ZNF318: variants seen among roughly 807,000 people sequenced by gnomAD.
ZNF318 encodes endocrine regulator.
Under a neutral mutation model 124.2 loss-of-function variants are expected in ZNF318, and 51 were observed. That is an observed-to-expected ratio of 0.41 (90% CI 0.33 to 0.52). The LOEUF (loss-of-function observed/expected upper bound fraction) is 0.52. ZNF318 is among the 20% of genes least tolerant of loss of function. The pLI is 0.23. For missense variants in ZNF318, 2,815 were observed against 2,811.2 expected (o/e 1.00, Z -0.03); for synonymous variants, 1,090 against 1,040.7 (o/e 1.05, Z -0.91).
At position 43,369,471 on chromosome 6, in the gene ZNF318, C is replaced by A. The variant is rs1030325685; in HGVS notation, c.-106G>T. On this transcript the variant is annotated 5_prime_UTR_variant, in exon 1 of 10. Coordinates refer to ENST00000361428, the MANE Select transcript of ZNF318 (RefSeq NM_014345.3). Reference sequence around the variant, plus strand: ...GCAGCCGCCGCCACCTCGGCCGCTGCGCGCCGCCTCAGCCGCGGGAGCAGC... The same window carrying A: ...GCAGCCGCCGCCACCTCGGCCGCTGAGCGCCGCCTCAGCCGCGGGAGCAGC... The A allele has an allele frequency of 1.1e-6, 1 of 951,684 alleles. No homozygotes were observed. The highest frequency in any genetic ancestry group is 5.4e-5 in the East Asian group (1 of 18,520). 59.0% of individuals were successfully genotyped at this position (951,684 alleles called of 1,614,324 possible). A position where few individuals can be genotyped will look rare whatever the true frequency, so the allele number is the denominator to read the frequency against.
At position 43,338,548 on chromosome 6, in the gene ZNF318, T is replaced by G. The variant is rs1427960951; in HGVS notation, c.5450A>C (p.Tyr1817Ser). The change falls in exon 10 of 10, where the codon TAC becomes TCC. Residue 1817 changes from tyrosine (Y) to serine (S), a missense_variant. Physicochemically the swap from Tyr to Ser is moderately radical, Grantham distance 144. Around this residue, in one of 4 missense-constraint regions of ZNF318, gnomAD observed 927 missense variants for 820.6 expected, o/e 1.13. Transcript: ENST00000361428. ...DDSNLNHGNRYMWEGEVKQPN... is the reference protein window; with the variant it reads ...DDSNLNHGNRSMWEGEVKQPN... ...CTGTTTTACTTCTCCCTCCCACATG[T>G]ATCTGTTTCCATGGTTCAAATTAGA... The G allele has an allele frequency of 1.2e-6, 2 of 1,614,112 alleles. No homozygotes were observed. The highest frequency in any genetic ancestry group is 2.7e-5 in the African/African-American group (2 of 74,944).
Position 43,354,989 on chromosome 6 carries a change from G to A in ZNF318, c.2345C>T (p.Ala782Val). The change falls in exon 4 of 10, where the codon GCC (alanine) becomes GTC (valine). Residue 782 changes from alanine (A) to valine (V), a missense_variant. Transcript: ENST00000361428. Reference sequence around the variant, plus strand: ...GGCATCAAAAGAGGCAGGGGGAATGGCAGGTCCCTGGTAGTTCGGAGGTAT... The same window carrying A: ...GGCATCAAAAGAGGCAGGGGGAATGACAGGTCCCTGGTAGTTCGGAGGTAT... ...ARIPPNYQGP[A>V]IPPASFDAYR... is the part of the protein sequence containing the mutation. The A allele has an allele frequency of 1.2e-6, 2 of 1,610,280 alleles. No homozygotes were observed. The highest frequency in any genetic ancestry group is 1.7e-6 in the Non-Finnish European group (2 of 1,177,816).
Position 43,336,539 on chromosome 6 carries a change from A to G in ZNF318, c.*619T>C, listed in dbSNP as rs976865195. 1 of 152,270 alleles carries G rather than the reference A, an allele frequency of 6.6e-6. No individual in the cohort carries two copies. Among genetic ancestry groups the G allele is most frequent in the Admixed American group, 6.5e-5 (1 of 15,284 alleles). 9.4% of individuals were successfully genotyped at this position (152,270 alleles called of 1,614,324 possible). A position where few individuals can be genotyped will look rare whatever the true frequency, so the allele number is the denominator to read the frequency against. On this transcript the variant is annotated 3_prime_UTR_variant, in exon 10 of 10. Coordinates refer to ENST00000361428, the MANE Select transcript of ZNF318 (RefSeq NM_014345.3). ...GACAATGCATCTCAAGAAAGGCAAC[A>G]GAGTAAGGGAAGTACAGGAGTTGAC... is the stretch of plus-strand genomic sequence containing the variant.
rs1432658628 is a variant in ZNF318 at position 43,357,734 on chromosome 6, G to A, written c.580C>T (p.Arg194Ter). The change falls in exon 3 of 10, where the codon CGA becomes TGA. Residue 194 changes from arginine to a stop codon, truncating the protein, a stop_gained. Transcript: ENST00000361428. LOFTEE classifies it high-confidence loss of function. The stretch of plus-strand genomic sequence containing the variant: ...AGACCCCGAGAGCACTGGGAGCTTC[G>A]AGTGAAGACAGAATCATCAGTCAGG... ...DDLTDDSVFT[R>*]SSQCSRGLER... 1.2e-6 allele frequency: 2 copies of A among 1,601,672 alleles called. No individual in the cohort carries two copies. The highest frequency in any genetic ancestry group is 1.7e-6 in the Non-Finnish European group (2 of 1,179,092).
chr6:43,369,280 G>A lies in ZNF318; in HGVS notation c.86C>T (p.Ser29Phe). The change falls in exon 1 of 10, where the codon TCT becomes TTT. Residue 29 changes from serine to phenylalanine, a missense_variant. Transcript: ENST00000361428. ...GGGGPRSGRSSGSSSGPARRS... is the reference protein window; with the variant it reads ...GGGGPRSGRSFGSSSGPARRS... ...GCGAGCCGGGCCTGAGGAGGAGCCA[G>A]AGCTGCGGCCGCTGCGCGGGCCGCC... is the stretch of plus-strand genomic sequence containing the variant. 7.5e-7 allele frequency: 1 copy of A among 1,332,328 alleles called. No homozygotes were observed. The highest frequency in any genetic ancestry group is 1.7e-5 in the South Asian group (1 of 60,506). 82.5% of individuals were successfully genotyped at this position (1,332,328 alleles called of 1,614,324 possible).
chr6:43,358,631 G>C (rs113473153), intron 2 of ZNF318, among the ~76,000 whole-genome samples: 8,763 of 152,196 alleles, frequency 0.058, 331 homozygotes, highest in Admixed American at 0.088. Flanking sequence ...TCGGCTGACT[G>C]CAACCTCTAC....
Position 43,342,842 on chromosome 6 carries a change from CTCT to C in ZNF318, c.3107_3109del (p.Lys1036del). On this transcript the variant is annotated inframe_deletion, in exon 7 of 10. Transcript: ENST00000361428. ...CTGGGGGCTTTCGGCAGGCTTGGGG[CTCT>C]TAGTACGAAACTTCTCATTGTTTAC... 6.2e-7 allele frequency: 1 copy of C among 1,613,602 alleles called. No individual in the cohort carries two copies.
Position 43,358,414 on chromosome 6 carries a change from A to ATTTTTT in ZNF318, c.549-655_549-650dup, listed in dbSNP as rs71547834. On this transcript the variant is annotated intron_variant, in intron 2 of 9. Transcript: ENST00000361428. ...AGGCACCAGCCATCACACCCGGCTA[A>ATTTTTT]TTTTTTTTTTTTTTTTTTTCTGATT... 9.6e-5 allele frequency among the ~76,000 whole-genome samples: 12 copies of ATTTTTT among 124,738 alleles called. 1 individual carries two copies. Among genetic ancestry groups the ATTTTTT allele is most frequent in the East Asian group, 9.2e-4 (4 of 4,330 alleles). The allele number at this position is 124,738 out of a possible 152,430, so 81.8% of individuals were successfully genotyped here. A position where few individuals can be genotyped will look rare whatever the true frequency, so the allele number is the denominator to read the frequency against.
In ZNF318 at chr6:43,338,538, C is replaced by T; in HGVS notation, c.5460G>A (p.Glu1820=). The T allele has an allele frequency of 6.2e-7, 1 of 1,614,210 alleles. No homozygotes were observed. The highest frequency in any genetic ancestry group is 1.3e-5 in the African/African-American group (1 of 75,032). The stretch of plus-strand genomic sequence containing the variant: ...GCAAGTTGGGCTGTTTTACTTCTCC[C>T]TCCCACATGTATCTGTTTCCATGGT... ...NLNHGNRYMW[E]GEVKQPNLLM... Residue 1820 remains glutamate, a synonymous_variant, in exon 10 of 10, where the codon GAG becomes GAA. Coordinates refer to ENST00000361428, the MANE Select transcript of ZNF318 (RefSeq NM_014345.3).
intron 2 of ZNF318, among the ~76,000 whole-genome samples, chr6:43,362,021 G>A (rs550778460): frequency 3.9e-5 from 6 of 152,062 alleles, no homozygotes; most frequent in Admixed American, 2.0e-4. Flanking sequence ...GCTGGGCGTC[G>A]GGTGGTGTGT....
intron 6 of ZNF318, among the ~76,000 whole-genome samples, chr6:43,343,203 G>A (rs1779394780): frequency 6.6e-6 from 1 of 152,178 alleles, no homozygotes; most frequent in Admixed American, 6.5e-5. Flanking sequence ...GAACAAGGAT[G>A]GGTAGGAGTC....
At position 43,337,991 on chromosome 6, in the gene ZNF318, C is replaced by T. The variant is rs1380020758; in HGVS notation, c.6007G>A (p.Ala2003Thr). 1 of 1,614,176 alleles carries T rather than the reference C, an allele frequency of 6.2e-7. No homozygotes were observed. The highest frequency in any genetic ancestry group is 8.5e-7 in the Non-Finnish European group (1 of 1,180,034). ...AGCTCCTCTACCTTTAAGTCTGTAG[C>T]TTCAAAGTCTTCTAGGGCCTTGCTT... ...IESKALEDFE[A>T]TDLKVEELTA... is the part of the protein sequence containing the mutation. The change falls in exon 10 of 10, where the codon GCT (alanine) becomes ACT (threonine). Residue 2003 changes from alanine (A) to threonine (T), a missense_variant. Ala to Thr is a moderately conservative substitution (Grantham distance 58). Coordinates refer to ENST00000361428, the MANE Select transcript of ZNF318 (RefSeq NM_014345.3).
chr6:43,341,370 G>A (rs1009198147), intron 8 of ZNF318, among the ~76,000 whole-genome samples: 11 of 152,144 alleles, frequency 7.2e-5, no homozygotes, highest in African/African-American at 2.7e-4. Context: ...AAAAGTTTAT[G>A]GGCTGAGCAC....
chr6:43,351,320 G>T (rs1385516945), intron 5 of ZNF318, among the ~76,000 whole-genome samples: 2 of 152,198 alleles, frequency 1.3e-5, no homozygotes, highest in Admixed American at 1.3e-4. Flanking sequence ...TGAAATATGA[G>T]TAAGAATGGT....
intron 5 of ZNF318, 61 bp downstream of exon 5, chr6:43,352,316 C>T (rs1779540976): frequency 5.1e-6 from 6 of 1,173,794 alleles, no homozygotes; most frequent in Middle Eastern, 4.5e-4. Context: ...TGTGAGAGTA[C>T]CAAATTTGGG....
intron 2 of ZNF318, among the ~76,000 whole-genome samples, chr6:43,364,595 G>C (rs371255302): frequency 6.6e-6 from 1 of 152,224 alleles, no homozygotes; most frequent in Admixed American, 6.5e-5. Flanking sequence ...TCAGCTCTGA[G>C]AAAGAGTGCT....
At chr6:43,356,908 T>C (rs1441974159) in intron 3 of ZNF318, among the ~76,000 whole-genome samples, 2 of 152,122 alleles carry the variant, frequency 1.3e-5, no homozygotes, top group Non-Finnish European at 2.9e-5. Context: ...AAAATATCTA[T>C]TTATTAATAT....
rs779723134 is a variant in ZNF318 at position 43,357,498 on chromosome 6, T to C, written c.816A>G (p.Lys272=). Residue 272 remains lysine, a synonymous_variant, in exon 3 of 10, where the codon AAA becomes AAG. Transcript: ENST00000361428. ...IRSEERSREA[K]RPRYDDTVKI... is the part of the protein sequence containing the mutation. ...TCACTGTGTCATCATAACGGGGTCT[T>C]TTGGCCTCCCGGCTCCTTTCTTCAG... 1.2e-6 allele frequency: 2 copies of C among 1,614,130 alleles called. No homozygotes were observed. The highest frequency in any genetic ancestry group is 1.7e-6 in the Non-Finnish European group (2 of 1,180,016).
At chr6:43,352,911 T>A (rs1050325987) in intron 4 of ZNF318, among the ~76,000 whole-genome samples, 2 of 152,228 alleles carry the variant, frequency 1.3e-5, no homozygotes, top group Non-Finnish European at 2.9e-5. Context: ...CACTATTTTA[T>A]AGTCAGAAAA....
Sources: gnomAD v4.1 joint callset for allele counts (sites outside exome capture counted in the v4.1 genomes callset) on GRCh38, gnomAD v4.1.1 for gene constraint, gnomAD v4.1.1 regional missense constraint, MANE v1.5 for transcripts, NCBI Gene and HGNC (gene_info 2026-07-23, HGNC 2026-07-21) for gene names.